Variants in COL8A1 observed in about 807,000 individuals in gnomAD.
The protein encoded by COL8A1 is collagen alpha-1(VIII) chain.
In COL8A1, 21 loss-of-function variants were observed where a neutral mutation model predicts 42.7. That is an observed-to-expected ratio of 0.49 (90% confidence interval 0.35 to 0.71). COL8A1 has a LOEUF of 0.71. COL8A1 is among the 30% of genes least tolerant of loss of function. The pLI, the probability that COL8A1 is intolerant of heterozygous loss-of-function variation, is 0.01. For missense variants in COL8A1, 788 were observed against 962.4 expected (o/e 0.82, Z 2.40); for synonymous variants, 367 against 369.1 (o/e 0.99, Z 0.06).
rs145324658 is a variant in COL8A1 at position 99,731,182 on chromosome 3, G to A, written c.-128-13715G>A. 6.6e-4 allele frequency among the ~76,000 whole-genome samples: 100 copies of A among 152,180 alleles called. 3 individuals carry two copies. The East Asian group carries it at 6.9e-3, about 11-fold the overall frequency. ...ACAAAATGTATAATTAAGTAAGGAA[G>A]CTATCACTGCTACTACAGAATTAAA... is the stretch of plus-strand genomic sequence containing the variant. On this transcript the variant is annotated intron_variant, in intron 1 of 3. Transcript: ENST00000652472.
intron 1 of COL8A1, among the ~76,000 whole-genome samples, chr3:99,713,597 A>G (rs1174658260): frequency 6.6e-6 from 1 of 152,048 alleles, no homozygotes; most frequent in African/African-American, 2.4e-5. Context: ...TTCCCTCTAA[A>G]GCATTCTTTC....
intron 1 of COL8A1, among the ~76,000 whole-genome samples, chr3:99,677,235 A>C (rs1938726355): frequency 1.3e-5 from 2 of 152,130 alleles, no homozygotes; most frequent in Non-Finnish European, 1.5e-5. Context: ...TAAGAGTTAC[A>C]ATTTGATGTG....
intron 1 of COL8A1, chr3:99,679,072 C>G (rs757583340): frequency 5.9e-5 from 9 of 152,118 alleles, no homozygotes; most frequent in Non-Finnish European, 1.2e-4. Flanking sequence ...AGATGAGCAC[C>G]ATATGTGCAT....
At chr3:99,762,973 C>A (rs1028113654) in intron 2 of COL8A1, among the ~76,000 whole-genome samples, 1 of 152,152 alleles carries the variant, frequency 6.6e-6, no homozygotes, top group African/African-American at 2.4e-5. Flanking sequence ...TCTTTAACTG[C>A]ACGCTTTTCA....
intron 3 of COL8A1, among the ~76,000 whole-genome samples, chr3:99,792,138 A>C (rs1405434554): frequency 6.6e-6 from 1 of 152,198 alleles, no homozygotes; most frequent in Non-Finnish European, 1.5e-5. Flanking sequence ...ATAGTACTAT[A>C]ATCATATCTA....
At chr3:99,652,117 T>C (rs1937865634) in intron 1 of COL8A1, among the ~76,000 whole-genome samples, 1 of 152,198 alleles carries the variant, frequency 6.6e-6, no homozygotes, top group African/African-American at 2.4e-5. Flanking sequence ...TTTGAATACA[T>C]ATAAATAAAA....
intron 2 of COL8A1, among the ~76,000 whole-genome samples, chr3:99,745,845 C>A (rs1015009332): frequency 5.3e-5 from 8 of 150,154 alleles, no homozygotes; most frequent in African/African-American, 1.5e-4. Flanking sequence ...AAAAAAAAAA[C>A]CACAACATAC....
At chr3:99,669,895 T>C (rs968945749) in intron 1 of COL8A1, among the ~76,000 whole-genome samples, 1 of 152,036 alleles carries the variant, frequency 6.6e-6, no homozygotes, top group African/African-American at 2.4e-5. Flanking sequence ...TATAGATACA[T>C]AGAGTAATGA....
At position 99,790,791 on chromosome 3, in the gene COL8A1, C is replaced by T; in HGVS notation, c.109C>T (p.Pro37Ser). Residue 37 changes from proline (P) to serine (S), a missense_variant, in exon 3 of 4, where the codon CCA (proline) becomes TCA (serine). Pro to Ser is a moderately conservative substitution (Grantham distance 74, BLOSUM62 -1). Around this residue, in one of 4 missense-constraint regions of COL8A1, gnomAD observed 421 missense variants for 553.1 expected, o/e 0.76. Transcript: ENST00000652472. ...AGAYYGIKPL[P>S]PQIPPQMPPQ... ...TGCCTACTATGGGATCAAGCCGCTGCCACCTCAAATTCCTCCTCAGATGCC... is the reference window on the plus strand; with the variant it reads ...TGCCTACTATGGGATCAAGCCGCTGTCACCTCAAATTCCTCCTCAGATGCC... 1.9e-6 allele frequency: 3 copies of T among 1,614,210 alleles called. No individual in the cohort carries two copies. The highest frequency in any genetic ancestry group is 2.5e-6 in the Non-Finnish European group (3 of 1,180,042).
Position 99,702,679 on chromosome 3 carries a change from C to T in COL8A1, c.-128-42218C>T, listed in dbSNP as rs146444028. Among the ~76,000 whole-genome samples the T allele has an allele frequency of 4.3e-3, 654 of 152,312 alleles. 2 individuals carry two copies. Among genetic ancestry groups the T allele is most frequent in the Non-Finnish European group, 7.5e-3 (507 of 68,034 alleles). ...TATCAATTCATTCATTTATCCAACA[C>T]ATGCTTACTCAGTACCTGCTATGGG... On this transcript the variant is annotated intron_variant, in intron 1 of 3. Coordinates refer to ENST00000652472, the MANE Select transcript of COL8A1 (RefSeq NM_020351.4).
chr3:99,709,989 A>T lies in COL8A1; in HGVS notation c.-128-34908A>T, dbSNP rs141760043. 4.6e-3 allele frequency among the ~76,000 whole-genome samples: 705 copies of T among 152,288 alleles called. 21 individuals are homozygous for T. Among genetic ancestry groups the T allele is most frequent in the Admixed American group, 0.044 (674 of 15,282 alleles). Reference sequence around the variant, plus strand: ...TTGTTGGAGGGGACAGGGGAATCTCAGAATTATACTTGCTATTTAAATAGC... The same window carrying T: ...TTGTTGGAGGGGACAGGGGAATCTCTGAATTATACTTGCTATTTAAATAGC... On this transcript the variant is annotated intron_variant, in intron 1 of 3. Transcript: ENST00000652472.
chr3:99,735,468 T>A (rs1940675221), intron 1 of COL8A1, among the ~76,000 whole-genome samples: 1 of 135,424 alleles, frequency 7.4e-6, no homozygotes, highest in African/African-American at 2.9e-5. Context: ...GATTTGCATA[T>A]ATTGAACCAG....
intron 1 of COL8A1, among the ~76,000 whole-genome samples, chr3:99,727,009 G>A (rs1385479600): frequency 1.7e-5 from 2 of 118,450 alleles, no homozygotes; most frequent in Non-Finnish European, 3.7e-5. Context: ...TGGGCAGTAT[G>A]GCCATTTTCA....
chr3:99,734,137 GA>G (rs1386255719), intron 1 of COL8A1, among the ~76,000 whole-genome samples: 1 of 151,566 alleles, frequency 6.6e-6, no homozygotes, highest in Non-Finnish European at 1.5e-5. Context: ...TTGCTGTGCA[GA>G]AGCTCTTTAG....
intron 2 of COL8A1, among the ~76,000 whole-genome samples, chr3:99,760,625 G>A (rs923932409): frequency 6.6e-6 from 1 of 152,052 alleles, no homozygotes; most frequent in African/African-American, 2.4e-5. Flanking sequence ...CTCAAAGCCA[G>A]GTTTAGCACA....
intron 1 of COL8A1, among the ~76,000 whole-genome samples, chr3:99,649,457 C>T (rs1937768392): frequency 6.6e-6 from 1 of 152,030 alleles, no homozygotes; most frequent in African/African-American, 2.4e-5. Context: ...CTCTCTGTCC[C>T]CATAAATTGT....
At chr3:99,648,245 T>C (rs1382579105) in intron 1 of COL8A1, among the ~76,000 whole-genome samples, 5 of 152,144 alleles carry the variant, frequency 3.3e-5, no homozygotes, top group Non-Finnish European at 7.3e-5. Flanking sequence ...GGTTCTTCTA[T>C]CCAGGTCACA....
chr3:99,726,577 T>C (rs1223177122), intron 1 of COL8A1, among the ~76,000 whole-genome samples: 1 of 152,114 alleles, frequency 6.6e-6, no homozygotes, highest in Non-Finnish European at 1.5e-5. Context: ...GCATCTTGAA[T>C]TGATTTTTGT....
intron 1 of COL8A1, among the ~76,000 whole-genome samples, chr3:99,695,816 A>C (rs1459365978): frequency 6.6e-6 from 1 of 152,234 alleles, no homozygotes; most frequent in Non-Finnish European, 1.5e-5. Context: ...CTGGCACATA[A>C]GAATCACTGA....
Sources: gnomAD v4.1 joint callset for allele counts (sites outside exome capture counted in the v4.1 genomes callset) on GRCh38, gnomAD v4.1.1 for gene constraint, gnomAD v4.1.1 regional missense constraint, MANE v1.5 for transcripts, NCBI Gene and HGNC (gene_info 2026-07-23, HGNC 2026-07-21) for gene names.